Variants in INPP4A observed in about 807,000 individuals in gnomAD.
INPP4A encodes inositol polyphosphate-4-phosphatase, type I, 107kD.
Under a neutral mutation model 119.8 loss-of-function variants are expected in INPP4A, and 33 were observed. The ratio of observed to expected loss-of-function variants is 0.28; its 90% CI spans 0.21 to 0.37. INPP4A has a LOEUF of 0.37. Ranked by LOEUF, INPP4A falls within the 10% of genes least tolerant of loss-of-function variation. The probability of loss-of-function intolerance (pLI) is 1.00; values close to 1 mark genes in which losing one functional copy is unlikely to be tolerated. For missense variants in INPP4A, 956 were observed against 1,289.9 expected, an observed-to-expected ratio of 0.74 and a Z score of 3.97; for synonymous variants, 496 against 500.7, an observed-to-expected ratio of 0.99 and a Z score of 0.12.
intron 5 of INPP4A, among the ~76,000 whole-genome samples, chr2:98,535,299 TTC>T (rs1259567709): frequency 1.3e-5 from 2 of 152,390 alleles, no homozygotes; most frequent in African/African-American, 2.4e-5. Context: ...GCCATTCATT[TTC>T]TCTCTTTCAT....
At chr2:98,545,501 C>G (rs755706913) in intron 11 of INPP4A, among the ~76,000 whole-genome samples, 1 of 152,142 alleles carries the variant, frequency 6.6e-6, no homozygotes, top group Non-Finnish European at 1.5e-5. Flanking sequence ...TCATCACTTT[C>G]GAGAGTTGAG....
intron 4 of INPP4A, among the ~76,000 whole-genome samples, chr2:98,527,882 A>C (rs1401552887): frequency 6.6e-6 from 1 of 152,234 alleles, no homozygotes; most frequent in Non-Finnish European, 1.5e-5. Flanking sequence ...CAGCCACACA[A>C]AAGAGCAGCA....
chr2:98,528,434 C>T (rs1403725013), intron 4 of INPP4A, among the ~76,000 whole-genome samples: 4 of 152,032 alleles, frequency 2.6e-5, no homozygotes, highest in African/African-American at 9.7e-5. Context: ...CACCAATATA[C>T]ATATAATAGG....
At chr2:98,559,363 C>T in intron 16 of INPP4A, 100 bp from the exon 17 acceptor site, 2 of 1,369,052 alleles carry the variant, frequency 1.5e-6, no homozygotes, top group Middle Eastern at 1.8e-4. Flanking sequence ...AGCCGCCTTA[C>T]TGCAAGCTGC....
rs748014577 is a variant in INPP4A at position 98,563,507 on chromosome 2, C to T, written c.1898C>T (p.Thr633Ile). ...EALYPLLTTLTDCVAMMSDKA... is the reference protein window; with the variant it reads ...EALYPLLTTLIDCVAMMSDKA... The stretch of plus-strand genomic sequence containing the variant: ...CTTTACCCGCTGCTGACCACTCTCA[C>T]CGACTGCGTGGCCATGATGAGTGAC... Residue 633 changes from threonine (T) to isoleucine (I), a missense_variant, in exon 18 of 25, where the codon ACC becomes ATC. Physicochemically the swap from Thr to Ile is moderately conservative, Grantham distance 89. Transcript: ENST00000409851. The T allele has an allele frequency of 1.9e-5, 31 of 1,613,598 alleles. No homozygotes were observed. The highest frequency in any genetic ancestry group is 1.7e-5 in the Non-Finnish European group (20 of 1,179,766).
At chr2:98,465,834 C>G (rs187199534) in intron 1 of INPP4A, among the ~76,000 whole-genome samples, 2 of 152,080 alleles carry the variant, frequency 1.3e-5, no homozygotes, top group Admixed American at 1.3e-4. Context: ...TTTTTCCTCC[C>G]GGCTCCACCC....
chr2:98,493,454 T>G (rs1681273539), intron 1 of INPP4A, among the ~76,000 whole-genome samples: 3 of 136,216 alleles, frequency 2.2e-5, no homozygotes, highest in African/African-American at 8.0e-5. Context: ...TGAGACAGGG[T>G]TTCCCTCTGT....
At position 98,518,982 on chromosome 2, in the gene INPP4A, C is replaced by G. The variant is rs1424881587; in HGVS notation, c.-147C>G. ...TTTTTAGATGATGGATTTGGACATG[C>G]TTCTATGAAGAAATGCCACATGGTC... is the stretch of plus-strand genomic sequence containing the variant. On this transcript the variant is annotated 5_prime_UTR_variant, in exon 2 of 25. Transcript: ENST00000409851. 1.3e-5 allele frequency: 2 copies of G among 152,196 alleles called. No homozygotes were observed. The highest frequency in any genetic ancestry group is 2.9e-5 in the Non-Finnish European group (2 of 68,044). The allele number at this position is 152,196 out of a possible 1,614,324, so 9.4% of individuals were successfully genotyped here.
intron 1 of INPP4A, among the ~76,000 whole-genome samples, chr2:98,448,938 C>G (rs1032761228): frequency 1.3e-5 from 2 of 152,112 alleles, no homozygotes; most frequent in Non-Finnish European, 2.9e-5. Flanking sequence ...CTCCTACTCT[C>G]GCCATCCTCC....
At chr2:98,457,748 C>T (rs1336067031) in intron 1 of INPP4A, among the ~76,000 whole-genome samples, 1 of 152,162 alleles carries the variant, frequency 6.6e-6, no homozygotes, top group Non-Finnish European at 1.5e-5. Flanking sequence ...ATAGGATTGG[C>T]TAGCTTTTTC....
At chr2:98,521,757 C>G (rs1435359570) in intron 4 of INPP4A, 2 of 151,654 alleles carry the variant, frequency 1.3e-5, no homozygotes, top group Non-Finnish European at 2.9e-5. Context: ...CATAGCAAGA[C>G]CCTGTTTCTA....
intron 23 of INPP4A, among the ~76,000 whole-genome samples, chr2:98,574,193 C>T (rs1260728746): frequency 2.6e-5 from 4 of 152,024 alleles, no homozygotes; most frequent in East Asian, 1.9e-4. Flanking sequence ...ACACTGGCTA[C>T]GGGGGTCTCT....
chr2:98,559,483 G>T lies in INPP4A; in HGVS notation c.1843G>T (p.Glu615Ter). ...TGCAGATTGCAGTCCCCCTCCTGAA[G>T]AGTCCAGCCCAGGTACGTGGTTTCC... ...LTTHCSPPPE[E>*]SSPGEWSEAL... is the part of the protein sequence containing the mutation. The change falls in exon 17 of 25, where the codon GAG becomes TAG. Residue 615 changes from glutamate (E) to a stop codon, truncating the protein, a stop_gained. Transcript: ENST00000409851. LOFTEE classifies it high-confidence loss of function. 1 of 1,614,038 alleles carries T rather than the reference G, an allele frequency of 6.2e-7. No individual in the cohort carries two copies.
chr2:98,451,350 G>T (rs1574454115), intron 1 of INPP4A, among the ~76,000 whole-genome samples: 2 of 152,276 alleles, frequency 1.3e-5, no homozygotes, highest in East Asian at 3.9e-4. Context: ...TATGGTGGGG[G>T]CAGTGGGGGG....
rs142854058 is a variant in INPP4A, at chr2:98,473,770, C to T, written c.-166+28685C>T. Among the ~76,000 whole-genome samples the T allele has an allele frequency of 1.8e-4, 28 of 152,272 alleles. No homozygotes were observed. The East Asian group carries it at 3.5e-3, about 19-fold the overall frequency. ...CCAGGCCTTTAGTATCTTGATTTTC[C>T]ACTTCACCAGGTGATTGCATGAAAA... is the stretch of plus-strand genomic sequence containing the variant. On this transcript the variant is annotated intron_variant, in intron 1 of 24. Coordinates refer to ENST00000409851, the MANE Select transcript of INPP4A (RefSeq NM_001134225.2).
chr2:98,575,981 C>T (rs1040744194), intron 23 of INPP4A, among the ~76,000 whole-genome samples: 6 of 152,152 alleles, frequency 3.9e-5, no homozygotes, highest in Non-Finnish European at 8.8e-5. Flanking sequence ...TAATATGGTG[C>T]CCATCGCATA....
Position 98,538,995 on chromosome 2 carries a change from TC to T in INPP4A, c.670+16del. The T allele has an allele frequency of 6.4e-7, 1 of 1,551,642 alleles. No individual in the cohort carries two copies. Among genetic ancestry groups the T allele is most frequent in the Non-Finnish European group, 8.9e-7 (1 of 1,128,830 alleles). ...TGCTGAAATCGGGTAAACAGCTTCC[TC>T]CTTTGGTATTCTTGCCTCTCTAGTG... On this transcript the variant is annotated intron_variant, in intron 9 of 24. Transcript: ENST00000409851.
In INPP4A at chr2:98,508,626, A is replaced by G. The variant is rs188907482; in HGVS notation, c.-165-10338A>G. On this transcript the variant is annotated intron_variant, in intron 1 of 24. Coordinates refer to ENST00000409851, the MANE Select transcript of INPP4A (RefSeq NM_001134225.2). The stretch of plus-strand genomic sequence containing the variant: ...GGTCCTTTCATACACTTATTCAGAA[A>G]TTTATGTGACACGCTGGAAGGACTT... Among the ~76,000 whole-genome samples the G allele has an allele frequency of 3.9e-5, 6 of 152,294 alleles. No homozygotes were observed. In the East Asian group the frequency reaches 1.2e-3, roughly 29 times the overall value.
intron 1 of INPP4A, among the ~76,000 whole-genome samples, chr2:98,449,460 G>A (rs1032906456): frequency 6.6e-6 from 1 of 152,056 alleles, no homozygotes; most frequent in Non-Finnish European, 1.5e-5. Flanking sequence ...TTGGCCAGTG[G>A]GAGTCCCTTC....
Sources: gnomAD v4.1 joint callset for allele counts (sites outside exome capture counted in the v4.1 genomes callset) on GRCh38, gnomAD v4.1.1 for gene constraint, MANE v1.5 for transcripts, NCBI Gene and HGNC (gene_info 2026-07-23, HGNC 2026-07-21) for gene names.